Variants in TMCO1 observed in about 807,000 individuals in gnomAD.
TMCO1 encodes calcium load-activated calcium channel.
Under a neutral mutation model 29.3 loss-of-function variants are expected in TMCO1, and 29 were observed. The ratio of observed to expected loss-of-function variants is 0.99; its 90% CI spans 0.74 to 1.35. The LOEUF (loss-of-function observed/expected upper bound fraction) is 1.35, where lower values mean the gene tolerates loss of function less well. Ranked by LOEUF, TMCO1 falls within the 40% of genes most tolerant of loss-of-function variation. The pLI, the probability that TMCO1 is intolerant of heterozygous loss-of-function variation, is 0.00. For synonymous variants in TMCO1, 80 were observed against 77.1 expected, an observed-to-expected ratio of 1.04 and a Z score of -0.20; for missense variants, 173 against 225.5, an observed-to-expected ratio of 0.77 and a Z score of 1.49.
chr1:165,755,210 A>G (rs1009994448), intron 3 of TMCO1, among the ~76,000 whole-genome samples: 2 of 152,214 alleles, frequency 1.3e-5, no homozygotes, highest in Admixed American at 6.5e-5. Context: ...TGGAGGCTAC[A>G]TTTCTTGTGG....
At chr1:165,767,240 A>G (rs1399892094) in intron 2 of TMCO1, among the ~76,000 whole-genome samples, 1 of 152,224 alleles carries the variant, frequency 6.6e-6, no homozygotes, top group Non-Finnish European at 1.5e-5. Context: ...GAATACAGAA[A>G]GTTGTAGGAA....
At chr1:165,736,720 C>CAAA (rs59372599) in intron 6 of TMCO1, among the ~76,000 whole-genome samples, 5 of 122,766 alleles carry the variant, frequency 4.1e-5, no homozygotes, top group South Asian at 5.6e-4. Flanking sequence ...GACTCCATCT[C>CAAA]AAAAAAAAAA....
At chr1:165,758,924 C>T (rs1051827424) in intron 3 of TMCO1, among the ~76,000 whole-genome samples, 3 of 152,144 alleles carry the variant, frequency 2.0e-5, no homozygotes, top group Non-Finnish European at 2.9e-5. Context: ...AAAACAAATA[C>T]ACAATCTCAT....
chr1:165,728,633 G>A (rs943248322), intron 6 of TMCO1, among the ~76,000 whole-genome samples: 1 of 152,100 alleles, frequency 6.6e-6, no homozygotes, highest in South Asian at 2.1e-4. Context: ...TACCTGATGA[G>A]ACCTTGGTCT....
At chr1:165,725,737 T>G (rs1650860168), downstream of TMCO1, 2 of 454,370 alleles carry the variant, frequency 4.4e-6, no homozygotes, top group African/African-American at 4.0e-5. Flanking sequence ...TTTAAAAAAC[T>G]AATTGTGAGG....
Position 165,756,047 on chromosome 1 carries a change from T to TA in TMCO1, c.209-1774dup, listed in dbSNP as rs35055828. Among the ~76,000 whole-genome samples, 827 of 145,766 alleles carry TA rather than the reference T, an allele frequency of 5.7e-3. 8 individuals carry two copies. The highest frequency in any genetic ancestry group is 0.017 in the African/African-American group (687 of 39,666). On this transcript the variant is annotated intron_variant, in intron 3 of 6. Transcript: ENST00000367881. ...CTAAGAATTATATGGGCAGCTTGTT[T>TA]AAAAAAAAAAAAAAAGAAAAAAGTA...
intron 4 of TMCO1, among the ~76,000 whole-genome samples, 195 bp from the exon 5 acceptor site, chr1:165,752,364 C>T (rs558928128): frequency 6.6e-6 from 1 of 150,958 alleles, no homozygotes; most frequent in African/African-American, 2.4e-5. Context: ...CACGCCATTC[C>T]CTTGCCTCAG....
chr1:165,766,253 T>C (rs1008302900), intron 2 of TMCO1, among the ~76,000 whole-genome samples: 1 of 152,160 alleles, frequency 6.6e-6, no homozygotes, highest in Non-Finnish European at 1.5e-5. Context: ...GTATTCAATT[T>C]GGGACGTGTT....
chr1:165,735,712 A>C (rs1216459443), intron 6 of TMCO1, among the ~76,000 whole-genome samples: 2 of 152,002 alleles, frequency 1.3e-5, no homozygotes, highest in African/African-American at 4.8e-5. Flanking sequence ...ACGGGGTTTC[A>C]ACATGTTGGC....
chr1:165,729,082 G>A lies in TMCO1; in HGVS notation c.469-961C>T, dbSNP rs891199757. Among the ~76,000 whole-genome samples the A allele has an allele frequency of 3.7e-4, 54 of 146,710 alleles. 1 individual carries two copies. Among genetic ancestry groups the A allele is most frequent in the African/African-American group, 1.4e-3 (54 of 39,370 alleles). The stretch of plus-strand genomic sequence containing the variant: ...ACTGCACCACTGCATTCCAGCCTGG[G>A]CAACAGAGTGAGATTCTGTCTAAAA... On this transcript the variant is annotated intron_variant, in intron 6 of 6. Transcript: ENST00000367881.
At chr1:165,748,626 G>C (rs73022550) in intron 5 of TMCO1, among the ~76,000 whole-genome samples, 1 of 152,168 alleles carries the variant, frequency 6.6e-6, no homozygotes, top group Non-Finnish European at 1.5e-5. Flanking sequence ...CTGGTGATGA[G>C]AATTGAGTAC....
At chr1:165,737,727 A>C (rs1246861056) in intron 6 of TMCO1, among the ~76,000 whole-genome samples, 1 of 152,250 alleles carries the variant, frequency 6.6e-6, no homozygotes. Context: ...AAAAAAGCCA[A>C]ACCAGAATTC....
chr1:165,750,762 C>G (rs1207806083), intron 5 of TMCO1, among the ~76,000 whole-genome samples: 2 of 151,782 alleles, frequency 1.3e-5, no homozygotes, highest in African/African-American at 4.8e-5. Flanking sequence ...CTTGTCTGTA[C>G]AAAAAACTTT....
At chr1:165,766,693 T>C (rs1436925672) in intron 2 of TMCO1, among the ~76,000 whole-genome samples, 1 of 151,942 alleles carries the variant, frequency 6.6e-6, no homozygotes, top group Non-Finnish European at 1.5e-5. Flanking sequence ...GGCAGGAGGA[T>C]CGCTTAAGCC....
intron 6 of TMCO1, among the ~76,000 whole-genome samples, chr1:165,728,364 C>G (rs978483230): frequency 7.2e-5 from 11 of 151,732 alleles, no homozygotes; most frequent in African/African-American, 2.4e-4. Context: ...TCACGTCATT[C>G]TCCTGCCTCA....
chr1:165,764,558 G>A (rs540125758), intron 2 of TMCO1, among the ~76,000 whole-genome samples: 4 of 152,194 alleles, frequency 2.6e-5, no homozygotes, highest in African/African-American at 7.2e-5. Context: ...GAAACTTATC[G>A]CAGGTAGGAG....
intron 6 of TMCO1, among the ~76,000 whole-genome samples, chr1:165,742,261 TC>T (rs924225485): frequency 2.0e-5 from 3 of 146,928 alleles, no homozygotes; most frequent in South Asian, 2.2e-4. Flanking sequence ...AATTATCGGC[TC>T]CCCCCCTTTT....
chr1:165,748,010 T>G (rs751402433), intron 5 of TMCO1, among the ~76,000 whole-genome samples: 6 of 151,910 alleles, frequency 3.9e-5, no homozygotes, highest in Non-Finnish European at 5.9e-5. Context: ...AATACAAAAA[T>G]TAGCTTGGTG....
rs1410392589 is a variant in TMCO1 at position 165,759,401 on chromosome 1, C to G, written c.208+124G>C. ...TCAAGTGAGATAAAGTATGCATGTG[C>G]TTTATAAACCATAAAATCATAGAAA... On this transcript the variant is annotated intron_variant, in intron 3 of 6. Transcript: ENST00000367881. 4.3e-5 allele frequency: 33 copies of G among 763,972 alleles called. 2 individuals carry two copies. In the South Asian group the frequency reaches 5.4e-4, roughly 12 times the overall value. 47.3% of individuals were successfully genotyped at this position (763,972 alleles called of 1,614,324 possible).
Sources: allele counts gnomAD v4.1 joint callset (sites outside exome capture counted in the v4.1 genomes callset), GRCh38; gene constraint gnomAD v4.1.1; transcripts MANE v1.5; gene names NCBI Gene and HGNC (gene_info 2026-07-23, HGNC 2026-07-21).